HS6ST2: variants seen among roughly 807,000 people sequenced by gnomAD.
HS6ST2 encodes heparan-sulfate 6-O-sulfotransferase 2.
A neutral mutation model predicts 33.0 loss-of-function variants in HS6ST2; 17 were observed. The ratio of observed to expected loss-of-function variants is 0.52; its 90% CI spans 0.35 to 0.77. The LOEUF is 0.77. Among genes scored for constraint, HS6ST2 ranks in the 30% least tolerant of loss-of-function variants. The probability of loss-of-function intolerance (pLI) is 0.01; values close to 1 mark genes in which losing one functional copy is unlikely to be tolerated. For synonymous variants in HS6ST2, 248 were observed against 237.1 expected (o/e 1.05, Z -0.42); for missense variants, 519 against 551.7 (o/e 0.94, Z 0.59).
chrX:132,853,430 A>T (rs191451679), intron 2 of HS6ST2, among the ~76,000 whole-genome samples: 16 of 109,132 alleles, frequency 1.5e-4, no homozygotes, highest in Admixed American at 1.3e-3. Flanking sequence ...AAGTGCTGAG[A>T]TTACAGGCGT....
intron 2 of HS6ST2, among the ~76,000 whole-genome samples, chrX:132,813,268 G>A (rs1041360834): frequency 1.1e-4 from 12 of 111,430 alleles, no homozygotes; most frequent in African/African-American, 3.6e-4. Context: ...ATTCTTTAGC[G>A]CTTAGCAATG....
chrX:132,793,706 T>C (rs1485140377), intron 2 of HS6ST2, among the ~76,000 whole-genome samples: 2 of 112,216 alleles, frequency 1.8e-5, no homozygotes, highest in African/African-American at 6.5e-5. Context: ...TGAAAACGTT[T>C]GATATTTTAC....
intron 2 of HS6ST2, among the ~76,000 whole-genome samples, chrX:132,733,898 T>C (rs1237632330): frequency 1.9e-5 from 2 of 108,099 alleles, no homozygotes; most frequent in African/African-American, 6.8e-5. Flanking sequence ...CGATCAAAGC[T>C]AGCAAATGGT....
At chrX:132,657,623 A>G (rs1263980255) in intron 4 of HS6ST2, among the ~76,000 whole-genome samples, 1 of 108,247 alleles carries the variant, frequency 9.2e-6, no homozygotes, top group African/African-American at 3.4e-5. Flanking sequence ...TGGAGACATT[A>G]TATTGCTTGT....
At chrX:132,747,623 T>A (rs1026093772) in intron 2 of HS6ST2, among the ~76,000 whole-genome samples, 8 of 110,657 alleles carry the variant, frequency 7.2e-5, no homozygotes, top group Non-Finnish European at 1.5e-4. Flanking sequence ...AGTCCCTCCC[T>A]CTCTGTGGGC....
At chrX:132,693,288 G>T (rs763955327) in intron 3 of HS6ST2, among the ~76,000 whole-genome samples, 30 of 112,216 alleles carry the variant, frequency 2.7e-4, no homozygotes, top group Admixed American at 1.5e-3. Flanking sequence ...CTAGAAATGG[G>T]ATCAGAGTCC....
rs765761973 is a variant in HS6ST2, at chrX:132,754,508, C to T, written c.948-46014G>A. ...CTTGACTCACTGCAACCTCCGCCCCCCTGGTTCACGCCATTCTCCTGCCTC... is the reference window on the plus strand; with the variant it reads ...CTTGACTCACTGCAACCTCCGCCCCTCTGGTTCACGCCATTCTCCTGCCTC... On this transcript the variant is annotated intron_variant, in intron 2 of 4. Coordinates refer to ENST00000370833, the MANE Select transcript of HS6ST2 (RefSeq NM_001394073.1). Among the ~76,000 whole-genome samples, 9 of 108,834 alleles carry T rather than the reference C, an allele frequency of 8.3e-5. No homozygotes were observed. In the Middle Eastern group the frequency reaches 0.014, roughly 168 times the overall value. The allele number at this position is 108,834 out of a possible 115,157, so 94.5% of individuals were successfully genotyped here. A position where few individuals can be genotyped will look rare whatever the true frequency, so the allele number is the denominator to read the frequency against.
intron 2 of HS6ST2, among the ~76,000 whole-genome samples, chrX:132,807,019 G>T (rs971362675): frequency 9.1e-6 from 1 of 110,393 alleles, no homozygotes; most frequent in Non-Finnish European, 1.9e-5. Flanking sequence ...AAGGTGAAAC[G>T]AGTTACCCAA....
intron 2 of HS6ST2, among the ~76,000 whole-genome samples, chrX:132,725,903 A>G (rs973016069): frequency 2.7e-5 from 3 of 111,538 alleles, no homozygotes; most frequent in Admixed American, 9.6e-5. Context: ...GAAATAAGCC[A>G]GGCATAGAAG....
intron 2 of HS6ST2, among the ~76,000 whole-genome samples, chrX:132,908,800 G>A (rs909455336): frequency 1.8e-5 from 2 of 110,053 alleles, no homozygotes; most frequent in Admixed American, 9.8e-5. Flanking sequence ...AATTGATTGT[G>A]GTTTTGGATG....
At chrX:132,849,506 A>G (rs757569946) in intron 2 of HS6ST2, among the ~76,000 whole-genome samples, 1 of 112,082 alleles carries the variant, frequency 8.9e-6, no homozygotes, top group South Asian at 3.8e-4. Flanking sequence ...TGTACTGCAA[A>G]CATTAGCACA....
chrX:132,649,871 A>C (rs895947683), intron 4 of HS6ST2, among the ~76,000 whole-genome samples: 13 of 109,968 alleles, frequency 1.2e-4, no homozygotes, highest in Admixed American at 2.9e-4. Flanking sequence ...AAAAAAAAAA[A>C]ACACAACTCC....
At chrX:132,815,732 G>T (rs773183439) in intron 2 of HS6ST2, among the ~76,000 whole-genome samples, 5 of 111,324 alleles carry the variant, frequency 4.5e-5, no homozygotes, top group Non-Finnish European at 5.6e-5. Context: ...TGATAAGTAC[G>T]CTTCACCTGC....
At chrX:132,877,625 G>A (rs1290674487) in intron 2 of HS6ST2, among the ~76,000 whole-genome samples, 1 of 110,951 alleles carries the variant, frequency 9.0e-6, no homozygotes, top group Admixed American at 9.7e-5. Flanking sequence ...GGATCAGCTC[G>A]GTATAATAAG....
intron 3 of HS6ST2, 21 bp downstream of exon 3, chrX:132,708,441 T>C (rs779927093): frequency 8.9e-7 from 1 of 1,117,471 alleles, no homozygotes; most frequent in African/African-American, 1.9e-5. Flanking sequence ...TCAGTCAAAC[T>C]AAAAATACAT....
rs187482291 is a variant in HS6ST2 at position 132,633,380 on chromosome X, G to T, written c.1068-4287C>A. ...CATGATGAGGTCTGTGTTTTAGAAAGATCATTATGTATATGAAGATGAAAT... is the reference window on the plus strand; with the variant it reads ...CATGATGAGGTCTGTGTTTTAGAAATATCATTATGTATATGAAGATGAAAT... On this transcript the variant is annotated intron_variant, in intron 4 of 4. Transcript: ENST00000370833. 1.8e-4 allele frequency among the ~76,000 whole-genome samples: 20 copies of T among 111,457 alleles called. No individual in the cohort carries two copies. The East Asian group carries it at 3.7e-3, about 20-fold the overall frequency.
At chrX:132,947,406 G>A (rs1194817420) in intron 2 of HS6ST2, among the ~76,000 whole-genome samples, 2 of 109,309 alleles carry the variant, frequency 1.8e-5, no homozygotes, top group Non-Finnish European at 3.8e-5. Flanking sequence ...TATAATTTCT[G>A]CTTTTAGCTC....
chrX:132,894,521 T>C (rs1342061425), intron 2 of HS6ST2, among the ~76,000 whole-genome samples: 1 of 107,965 alleles, frequency 9.3e-6, no homozygotes, highest in Non-Finnish European at 1.9e-5. Context: ...TTATGTTATG[T>C]TATGTTATTT....
chrX:132,866,720 TA>T (rs2065987726), intron 2 of HS6ST2, among the ~76,000 whole-genome samples: 1 of 55,129 alleles, frequency 1.8e-5, no homozygotes, highest in Non-Finnish European at 3.2e-5. Context: ...GATTCCTAGG[TA>T]TTTTATTCTC....
Sources: gnomAD v4.1 joint callset for allele counts (sites outside exome capture counted in the v4.1 genomes callset) on GRCh38, gnomAD v4.1.1 for gene constraint, MANE v1.5 for transcripts, NCBI Gene and HGNC (gene_info 2026-07-23, HGNC 2026-07-21) for gene names.